Variants in ANKRD31 observed in about 807,000 individuals in gnomAD.
ANKRD31 encodes the protein ankyrin repeat domain 31.
In ANKRD31, 147 loss-of-function variants were observed where a neutral mutation model predicts 186.0. The observed-to-expected ratio is 0.79, with a 90% CI of 0.69 to 0.91. The LOEUF (loss-of-function observed/expected upper bound fraction) is 0.91. ANKRD31 is among the 40% of genes least tolerant of loss of function. The probability of loss-of-function intolerance (pLI) is 0.00; values close to 1 mark genes in which losing one functional copy is unlikely to be tolerated. For synonymous variants in ANKRD31, 673 were observed against 736.4 expected, an observed-to-expected ratio of 0.91 and a Z score of 1.39; for missense variants, 1,986 against 2,148.8, an observed-to-expected ratio of 0.92 and a Z score of 1.50.
chr5:75,225,472 G>T (rs770535872), intron 2 of ANKRD31: 27 of 180,172 alleles, frequency 1.5e-4, no homozygotes, highest in Non-Finnish European at 1.4e-4. Flanking sequence ...GAAAATAGTA[G>T]GCAGGATGGT....
At chr5:75,222,165 A>C (rs980732520) in intron 3 of ANKRD31, 84 bp downstream of exon 3, 36 of 966,766 alleles carry the variant, frequency 3.7e-5, no homozygotes, top group Non-Finnish European at 4.9e-5. Flanking sequence ...ATAGACAAAA[A>C]GAATTATCAT....
chr5:75,179,350 T>A (rs1028668944), intron 10 of ANKRD31, among the ~76,000 whole-genome samples: 40 of 151,932 alleles, frequency 2.6e-4, no homozygotes, highest in African/African-American at 9.0e-4. Context: ...TTCCAATCAA[T>A]AGAAAAAGAG....
chr5:75,122,939 A>G (rs1026049844), intron 17 of ANKRD31, among the ~76,000 whole-genome samples: 1 of 152,146 alleles, frequency 6.6e-6, no homozygotes, highest in Non-Finnish European at 1.5e-5. Context: ...AGCCAGAGCA[A>G]TCAGGCAAAA....
intron 2 of ANKRD31, among the ~76,000 whole-genome samples, chr5:75,229,864 C>CAAAAAAAAAAAAAAAAAAAAAAAAA (rs1210080751): frequency 2.6e-5 from 1 of 37,858 alleles, no homozygotes; most frequent in African/African-American, 1.1e-4. Context: ...GACTCTGTCT[C>CAAAAAAAAAAAAAAAAAAAAAAAAA]AAAAAAAAAA....
At chr5:75,207,584 A>T (rs779638485) in intron 4 of ANKRD31, among the ~76,000 whole-genome samples, 4 of 152,160 alleles carry the variant, frequency 2.6e-5, no homozygotes, top group African/African-American at 4.8e-5. Flanking sequence ...ATCAAAATTC[A>T]CATTTTTAAA....
At chr5:75,197,662 C>G (rs1273032342) in intron 6 of ANKRD31, among the ~76,000 whole-genome samples, 1 of 152,174 alleles carries the variant, frequency 6.6e-6, no homozygotes, top group Admixed American at 6.6e-5. Flanking sequence ...AGTCTCAGTT[C>G]AAGGCCTCTC....
At chr5:75,163,888 C>T (rs1446651994) in intron 11 of ANKRD31, among the ~76,000 whole-genome samples, 2 of 152,052 alleles carry the variant, frequency 1.3e-5, no homozygotes, top group African/African-American at 4.8e-5. Flanking sequence ...AGTTAAGAAC[C>T]CCTGGTGGCT....
intron 2 of ANKRD31, among the ~76,000 whole-genome samples, chr5:75,228,170 G>T (rs2150317396): frequency 6.6e-6 from 1 of 152,158 alleles, no homozygotes; most frequent in Admixed American, 6.5e-5. Flanking sequence ...GTTGGGATGG[G>T]AAAAAAACCC....
intron 9 of ANKRD31, among the ~76,000 whole-genome samples, chr5:75,192,167 C>G (rs1285690439): frequency 6.6e-6 from 1 of 152,086 alleles, no homozygotes; most frequent in Non-Finnish European, 1.5e-5. Flanking sequence ...ACCTCTGATA[C>G]AATATTATTT....
rs750814454 is a variant in ANKRD31, at chr5:75,193,472, T to C, written c.1137A>G (p.Glu379=). Residue 379 remains glutamate, a synonymous_variant, in exon 8 of 26, where the codon GAA becomes GAG. Coordinates refer to ENST00000506364, the MANE Select transcript of ANKRD31 (RefSeq NM_001372053.1). ...SNSVTNSSDQ[E]TACVLRRSSR... The stretch of plus-strand genomic sequence containing the variant: ...ATGATCTCCTCAACACACACGCAGT[T>C]TCCTGATCAGAGCTATTTGTCACTG... 2.6e-6 allele frequency: 4 copies of C among 1,537,256 alleles called. No homozygotes were observed. Among genetic ancestry groups the C allele is most frequent in the Non-Finnish European group, 3.5e-6 (4 of 1,146,808 alleles).
chr5:75,181,598 G>A (rs1754299017), intron 10 of ANKRD31, among the ~76,000 whole-genome samples: 1 of 151,988 alleles, frequency 6.6e-6, no homozygotes, highest in Non-Finnish European at 1.5e-5. Context: ...CGCGGATGAA[G>A]CTGGAAACCA....
chr5:75,221,314 C>G (rs1335246735), intron 3 of ANKRD31, among the ~76,000 whole-genome samples: 2 of 152,082 alleles, frequency 1.3e-5, no homozygotes, highest in Non-Finnish European at 2.9e-5. Flanking sequence ...ACATAAATGT[C>G]AAAATCATAT....
intron 6 of ANKRD31, among the ~76,000 whole-genome samples, chr5:75,197,885 T>C (rs971388470): frequency 1.3e-5 from 2 of 152,206 alleles, no homozygotes; most frequent in Non-Finnish European, 2.9e-5. Flanking sequence ...CCAGCCCAAA[T>C]TGGCCGTACT....
chr5:75,104,097 T>C (rs1747131760), intron 22 of ANKRD31, 131 bp downstream of exon 22: 1 of 669,746 alleles, frequency 1.5e-6, no homozygotes, highest in African/African-American at 1.8e-5. Context: ...AATGGTTGTG[T>C]CCCTCCATTC....
intron 17 of ANKRD31, among the ~76,000 whole-genome samples, chr5:75,120,233 A>C (rs1474966509): frequency 1.3e-5 from 2 of 152,116 alleles, no homozygotes; most frequent in African/African-American, 4.8e-5. Flanking sequence ...CTTCTCTATA[A>C]AAAAGTAAAA....
At chr5:75,177,966 C>T (rs141643827) in intron 10 of ANKRD31, among the ~76,000 whole-genome samples, 1 of 151,964 alleles carries the variant, frequency 6.6e-6, no homozygotes, top group Non-Finnish European at 1.5e-5. Context: ...AAGACCCATC[C>T]GTGTGCTGTA....
At chr5:75,120,991 T>C (rs1016544529) in intron 17 of ANKRD31, among the ~76,000 whole-genome samples, 1 of 152,110 alleles carries the variant, frequency 6.6e-6, no homozygotes, top group Admixed American at 6.5e-5. Flanking sequence ...GAGACCAGCC[T>C]GACCAACATG....
chr5:75,071,644 C>T (rs576497024), intron 25 of ANKRD31, among the ~76,000 whole-genome samples: 1 of 152,040 alleles, frequency 6.6e-6, no homozygotes, highest in South Asian at 2.1e-4. Flanking sequence ...TACAGGCACC[C>T]ACCACCACGC....
Position 75,164,054 on chromosome 5 carries a change from A to G in ANKRD31, c.1707+4925T>C, listed in dbSNP as rs552270297. 6.6e-5 allele frequency among the ~76,000 whole-genome samples: 10 copies of G among 152,288 alleles called. 1 individual carries two copies. In the East Asian group the frequency reaches 1.9e-3, roughly 29 times the overall value. On this transcript the variant is annotated intron_variant, in intron 11 of 25. Transcript: ENST00000506364. ...GACTTCTAAGGCTAGGTTAAAAAGT[A>G]TTGTGGCTTCCTCCTTGTTCTCAAT... is the stretch of plus-strand genomic sequence containing the variant.
Sources: allele counts gnomAD v4.1 joint callset (sites outside exome capture counted in the v4.1 genomes callset), GRCh38; gene constraint gnomAD v4.1.1; transcripts MANE v1.5; gene names NCBI Gene and HGNC (gene_info 2026-07-23, HGNC 2026-07-21).